The following GABRG3 variants were observed in gnomAD, a reference collection of about 807,000 sequenced individuals.
The protein encoded by GABRG3 is gamma-aminobutyric acid receptor subunit gamma-3.
Under a neutral mutation model 48.8 loss-of-function variants are expected in GABRG3, and 25 were observed. The observed-to-expected ratio is 0.51, with a 90% CI of 0.37 to 0.72. The LOEUF (loss-of-function observed/expected upper bound fraction) is 0.72. Ranked by LOEUF, GABRG3 falls within the 30% of genes least tolerant of loss-of-function variation. GABRG3 has a pLI of 0.00. For synonymous variants in GABRG3, 227 were observed against 217.6 expected (o/e 1.04, Z -0.38); for missense variants, 394 against 577.9 (o/e 0.68, Z 3.26).
intron 9 of GABRG3, among the ~76,000 whole-genome samples, chr15:27,531,943 A>T (rs930607037): frequency 1.3e-5 from 2 of 152,150 alleles, no homozygotes; most frequent in South Asian, 4.1e-4. Context: ...GCTTCTTGAG[A>T]TGGTAAGCGG....
chr15:27,432,855 A>G (rs1411367225), intron 5 of GABRG3, among the ~76,000 whole-genome samples: 1 of 152,150 alleles, frequency 6.6e-6, no homozygotes. Flanking sequence ...ACCTAAATAT[A>G]CAACTCATTG....
intron 3 of GABRG3, among the ~76,000 whole-genome samples, chr15:27,289,269 A>G (rs1169072123): frequency 7.2e-6 from 1 of 139,304 alleles, no homozygotes; most frequent in Non-Finnish European, 1.5e-5. Context: ...CTATGCCTCT[A>G]CTCTTTTTTT....
chr15:27,322,687 G>A (rs538769357), intron 3 of GABRG3, among the ~76,000 whole-genome samples: 1 of 152,138 alleles, frequency 6.6e-6, no homozygotes. Context: ...AAATGATGTC[G>A]CACAGTTTAT....
In GABRG3 at chr15:27,336,820, GAC is replaced by G. The variant is rs767787954; in HGVS notation, c.574+7933_574+7934del. On this transcript the variant is annotated intron_variant, in intron 5 of 9. Coordinates refer to ENST00000615808, the MANE Select transcript of GABRG3 (RefSeq NM_033223.5). The stretch of plus-strand genomic sequence containing the variant: ...CTGTTGGTACATCCTTAAAATGGAT[GAC>G]TACTCCACAAGAAAAACAAATTACT... 9.8e-5 allele frequency among the ~76,000 whole-genome samples: 15 copies of G among 152,308 alleles called. 1 individual carries two copies. The South Asian group carries it at 2.1e-3, about 21-fold the overall frequency.
intron 5 of GABRG3, among the ~76,000 whole-genome samples, chr15:27,412,891 A>G (rs1273737150): frequency 1.3e-5 from 2 of 152,152 alleles, no homozygotes; most frequent in Non-Finnish European, 2.9e-5. Context: ...TCCAAATTTT[A>G]ACCTTGCATG....
intron 3 of GABRG3, among the ~76,000 whole-genome samples, chr15:27,081,511 A>T (rs1017796483): frequency 3.3e-5 from 5 of 152,114 alleles, no homozygotes; most frequent in African/African-American, 1.2e-4. Flanking sequence ...TTGATTGAAA[A>T]ATATGTTCAT....
intron 5 of GABRG3, among the ~76,000 whole-genome samples, chr15:27,464,752 A>G (rs1232358711): frequency 6.6e-6 from 1 of 152,212 alleles, no homozygotes; most frequent in Non-Finnish European, 1.5e-5. Context: ...CCATTTGTAT[A>G]TCTTCCTTTA....
Position 27,348,806 on chromosome 15 carries a change from G to A in GABRG3, c.574+19918G>A, listed in dbSNP as rs550758891. 4.6e-4 allele frequency among the ~76,000 whole-genome samples: 70 copies of A among 152,314 alleles called. 1 individual carries two copies. The highest frequency in any genetic ancestry group is 1.6e-3 in the African/African-American group (65 of 41,556). ...TTGGACACACAAGAATAGTGGCAGG[G>A]GTTTTTGGAGGCAAGAAAATGATAG... is the stretch of plus-strand genomic sequence containing the variant. On this transcript the variant is annotated intron_variant, in intron 5 of 9. Coordinates refer to ENST00000615808, the MANE Select transcript of GABRG3 (RefSeq NM_033223.5).
intron 3 of GABRG3, among the ~76,000 whole-genome samples, chr15:27,064,924 G>C (rs12050748): frequency 6.6e-6 from 1 of 152,014 alleles, no homozygotes. Flanking sequence ...GTCAAGTTGT[G>C]TTCCTTTTTT....
rs200981082 is a variant in GABRG3, at chr15:26,999,622, T to C, written c.202+22472T>C. Among the ~76,000 whole-genome samples, 62 of 152,248 alleles carry C rather than the reference T, an allele frequency of 4.1e-4. No homozygotes were observed. The East Asian group carries it at 0.012, about 28-fold the overall frequency. ...CCTAAGTATGAAAAATACTTAGGGA[T>C]CTTGAGCTACTTAGATTTTTGGCTT... On this transcript the variant is annotated intron_variant, in intron 2 of 9. Coordinates refer to ENST00000615808, the MANE Select transcript of GABRG3 (RefSeq NM_033223.5).
chr15:27,107,575 C>G (rs1389792376), intron 3 of GABRG3, among the ~76,000 whole-genome samples: 1 of 151,930 alleles, frequency 6.6e-6, no homozygotes, highest in Non-Finnish European at 1.5e-5. Context: ...GAAAAGTTCT[C>G]TCTAATTCAA....
chr15:27,113,549 A>G (rs1052615379), intron 3 of GABRG3, among the ~76,000 whole-genome samples: 1 of 152,136 alleles, frequency 6.6e-6, no homozygotes, highest in Non-Finnish European at 1.5e-5. Context: ...CCTATAGAGG[A>G]TATACACTGT....
At chr15:27,167,853 G>A (rs1887430648) in intron 3 of GABRG3, among the ~76,000 whole-genome samples, 1 of 152,154 alleles carries the variant, frequency 6.6e-6, no homozygotes, top group Admixed American at 6.5e-5. Flanking sequence ...CATGGCAGTG[G>A]GGGTGGAGGT....
chr15:27,217,659 A>G (rs1889306252), intron 3 of GABRG3, among the ~76,000 whole-genome samples: 1 of 152,218 alleles, frequency 6.6e-6, no homozygotes, highest in African/African-American at 2.4e-5. Flanking sequence ...TTACACACCA[A>G]CGAGTATCAT....
At chr15:27,508,852 C>A (rs769930924) in intron 6 of GABRG3, among the ~76,000 whole-genome samples, 2 of 151,924 alleles carry the variant, frequency 1.3e-5, no homozygotes, top group African/African-American at 4.8e-5. Context: ...TAGCTGGGAC[C>A]ACAGGCACCC....
At chr15:27,510,024 G>A (rs972179002) in intron 6 of GABRG3, among the ~76,000 whole-genome samples, 20 of 152,180 alleles carry the variant, frequency 1.3e-4, no homozygotes, top group African/African-American at 4.8e-4. Flanking sequence ...GAGGGTTCTT[G>A]CTTATGTAGT....
intron 3 of GABRG3, among the ~76,000 whole-genome samples, chr15:27,325,008 G>A (rs564569078): frequency 3.2e-4 from 49 of 152,048 alleles, no homozygotes; most frequent in African/African-American, 1.2e-3. Context: ...ATGGACTTTG[G>A]CACTGCAAAG....
chr15:27,533,699 G>A lies in GABRG3; in HGVS notation c.*818G>A, dbSNP rs960125178. 3.3e-5 allele frequency: 5 copies of A among 152,098 alleles called. No homozygotes were observed. The highest frequency in any genetic ancestry group is 7.3e-5 in the Non-Finnish European group (5 of 68,032). 9.4% of individuals were successfully genotyped at this position (152,098 alleles called of 1,614,324 possible). A position where few individuals can be genotyped will look rare whatever the true frequency, so the allele number is the denominator to read the frequency against. On this transcript the variant is annotated 3_prime_UTR_variant, in exon 10 of 10. Coordinates refer to ENST00000615808, the MANE Select transcript of GABRG3 (RefSeq NM_033223.5). Reference sequence around the variant, plus strand: ...TTCACTAGACCAACGCTCAACCCTCGAGTATGTGTCCAGCTTATGTTATAT... The same window carrying A: ...TTCACTAGACCAACGCTCAACCCTCAAGTATGTGTCCAGCTTATGTTATAT...
chr15:27,344,293 C>T (rs574207114), intron 5 of GABRG3, among the ~76,000 whole-genome samples: 20 of 152,344 alleles, frequency 1.3e-4, no homozygotes, highest in African/African-American at 4.6e-4. Context: ...GAAGGATTTC[C>T]TTGATCATCT....
Sources: gnomAD v4.1 joint callset for allele counts (sites outside exome capture counted in the v4.1 genomes callset) on GRCh38, gnomAD v4.1.1 for gene constraint, MANE v1.5 for transcripts, NCBI Gene and HGNC (gene_info 2026-07-23, HGNC 2026-07-21) for gene names.